Variants in MDN1 observed in about 807,000 individuals in gnomAD.
The protein encoded by MDN1 is midasin.
MDN1 carries 266 observed loss-of-function variants against 669.2 expected under a neutral mutation model. The ratio of observed to expected loss-of-function variants is 0.40; its 90% CI spans 0.36 to 0.44. MDN1 has a LOEUF of 0.44. MDN1 is among the 20% of genes least tolerant of loss of function. The pLI is 1.00. For synonymous variants in MDN1, 2,385 were observed against 2,457.1 expected, an observed-to-expected ratio of 0.97 and a Z score of 0.87; for missense variants, 5,940 against 6,754.0, an observed-to-expected ratio of 0.88 and a Z score of 4.22.
Position 89,794,663 on chromosome 6 carries a change from C to T in MDN1, c.468G>A (p.Leu156=). 1 of 1,614,148 alleles carries T rather than the reference C, an allele frequency of 6.2e-7. No individual in the cohort carries two copies. Among genetic ancestry groups the T allele is most frequent in the Non-Finnish European group, 8.5e-7 (1 of 1,180,036 alleles). ...RDLMEAAFKF[L]QQEQSVFREL... is the part of the protein sequence containing the mutation. Reference sequence around the variant, plus strand: ...CCCGGAACACAGACTGCTCCTGCTGCAGAAACTTGAAGGCTGCTTCCATTA... The same window carrying T: ...CCCGGAACACAGACTGCTCCTGCTGTAGAAACTTGAAGGCTGCTTCCATTA... Residue 156 remains leucine (L), a synonymous_variant, in exon 3 of 102, where the codon CTG becomes CTA. Coordinates refer to ENST00000369393, the MANE Select transcript of MDN1 (RefSeq NM_014611.3).
At chr6:89,670,836 A>C in intron 83 of MDN1, 83 bp downstream of exon 83, 6 of 1,439,822 alleles carry the variant, frequency 4.2e-6, no homozygotes. Flanking sequence ...GTCCAAAATA[A>C]AAGCCTATCA....
At chr6:89,714,781 T>C (rs992661809) in intron 45 of MDN1, 30 bp from the exon 46 acceptor site, 1 of 1,582,208 alleles carries the variant, frequency 6.3e-7, no homozygotes, top group Non-Finnish European at 8.6e-7. Flanking sequence ...AAGAAAAAAA[T>C]GATTTTAAAT....
At chr6:89,794,456 G>A (rs1819462810) in intron 3 of MDN1, 121 bp downstream of exon 3, 2 of 972,400 alleles carry the variant, frequency 2.1e-6, no homozygotes, top group Non-Finnish European at 3.1e-6. Flanking sequence ...AACCCCAAAA[G>A]CCACAAGAAC....
rs540453530 is a variant in MDN1 at position 89,743,422 on chromosome 6, C to T, written c.4318-142G>A. The T allele has an allele frequency of 1.7e-5, 23 of 1,360,416 alleles. 1 individual carries two copies. In the South Asian group the frequency reaches 2.9e-4, roughly 17 times the overall value. 84.3% of individuals were successfully genotyped at this position (1,360,416 alleles called of 1,614,324 possible). On this transcript the variant is annotated intron_variant, in intron 30 of 101. Coordinates refer to ENST00000369393, the MANE Select transcript of MDN1 (RefSeq NM_014611.3). ...AGAACAGGAGATAGAACTTGCACAC[C>T]AGAATGCTTGTGAAGGCCCTTGTAG... is the stretch of plus-strand genomic sequence containing the variant.
intron 33 of MDN1, among the ~76,000 whole-genome samples, chr6:89,734,691 A>AAGAGAGAGAGAGAGAGAG (rs1554188772): frequency 5.3e-5 from 6 of 112,994 alleles, no homozygotes; most frequent in South Asian, 2.9e-4. Flanking sequence ...AAAAAAAAAC[A>AAGAGAGAGAGAGAGAGAG]AGAGAGAGAG....
Position 89,718,522 on chromosome 6 carries a change from C to A in MDN1, c.6427G>T (p.Val2143Leu). 2 of 1,614,168 alleles carry A rather than the reference C, an allele frequency of 1.2e-6. No homozygotes were observed. The highest frequency in any genetic ancestry group is 1.7e-6 in the Non-Finnish European group (2 of 1,180,012). The change falls in exon 43 of 102, where the codon GTG becomes TTG. Residue 2143 changes from valine to leucine, a missense_variant. Val to Leu is a conservative substitution (Grantham distance 32, BLOSUM62 1). Around this residue, in one of 5 missense-constraint regions of MDN1, gnomAD observed 2,292 missense variants for 2,638.3 expected, o/e 0.87. Transcript: ENST00000369393. Reference protein sequence around the residue: ...LLISADDAEVVLRAWSHFLLT... With the variant: ...LLISADDAEVLLRAWSHFLLT... ...AGAAAATGACTCCAGGCTCGCAGCA[C>A]TACTTCTGCATCATCAGCACTGATA...
At chr6:89,725,968 C>T (rs199776819) in intron 37 of MDN1, among the ~76,000 whole-genome samples, 353 of 138,570 alleles carry the variant, frequency 2.5e-3, no homozygotes, top group East Asian at 0.014. Context: ...CACACACACA[C>T]GTATATATAC....
In MDN1 at chr6:89,730,912, AG is replaced by A; in HGVS notation, c.4953del (p.Ser1652LeufsTer14). 1.2e-6 allele frequency: 2 copies of A among 1,613,960 alleles called. No individual in the cohort carries two copies. The highest frequency in any genetic ancestry group is 1.7e-6 in the Non-Finnish European group (2 of 1,179,918). On this transcript the variant is annotated frameshift_variant, in exon 35 of 102. Transcript: ENST00000369393. LOFTEE classifies it high-confidence loss of function. Reference sequence around the variant, plus strand: ...GCCAAAAGGGCTGTACCAAACCCAGAGGAAGTTACCCCTAAAAGACAGAGGA... The same window carrying A: ...GCCAAAAGGGCTGTACCAAACCCAGAGAAGTTACCCCTAAAAGACAGAGGA... ...YIDGIGSGVT[S>X]SGFGTALLAR...
intron 65 of MDN1, 57 bp from the exon 66 acceptor site, chr6:89,688,865 T>C (rs1812196583): frequency 7.0e-7 from 1 of 1,437,380 alleles, no homozygotes; most frequent in Non-Finnish European, 9.7e-7. Context: ...TCTATCAACA[T>C]GTCAAAAAGA....
intron 31 of MDN1, among the ~76,000 whole-genome samples, chr6:89,741,818 C>T (rs955070639): frequency 2.6e-5 from 4 of 151,990 alleles, no homozygotes; most frequent in Non-Finnish European, 5.9e-5. Context: ...ACCCTAGCCT[C>T]GGCCGGGCAC....
intron 67 of MDN1, 116 bp from the exon 68 acceptor site, chr6:89,687,554 T>A (rs1812101741): frequency 1.3e-6 from 1 of 746,318 alleles, no homozygotes; most frequent in Non-Finnish European, 2.2e-6. Context: ...TTAAACAACT[T>A]GCACCAATTG....
intron 11 of MDN1, 59 bp downstream of exon 11, chr6:89,780,153 A>T (rs1818590623): frequency 1.1e-6 from 1 of 931,562 alleles, no homozygotes; most frequent in Non-Finnish European, 1.6e-6. Context: ...AGAAAATAAC[A>T]ACGGAAGTCA....
At chr6:89,774,812 C>T (rs999467602) in intron 12 of MDN1, 79 bp from the exon 13 acceptor site, 1 of 957,646 alleles carries the variant, frequency 1.0e-6, no homozygotes, top group Middle Eastern at 2.9e-4. Context: ...TTATTTTGGC[C>T]CTCAAATTAG....
chr6:89,818,839 TAGA>T (rs201836149), intron 1 of MDN1, among the ~76,000 whole-genome samples: 7,106 of 150,938 alleles, frequency 0.047, 191 homozygotes, highest in South Asian at 0.12. Flanking sequence ...TCAACTCAGA[TAGA>T]AGGAGTCAAT....
chr6:89,675,757 A>T, intron 77 of MDN1, 178 bp from the exon 78 acceptor site: 1 of 585,802 alleles, frequency 1.7e-6, no homozygotes, highest in East Asian at 2.9e-5. Context: ...GAGATTCCAT[A>T]GACAGGAACT....
At chr6:89,723,366 A>G in intron 39 of MDN1, 146 bp downstream of exon 39, 1 of 666,496 alleles carries the variant, frequency 1.5e-6, no homozygotes, top group Non-Finnish European at 2.5e-6. Flanking sequence ...TCCACTACAT[A>G]GTGTCCCTTC....
intron 15 of MDN1, among the ~76,000 whole-genome samples, chr6:89,764,534 G>A (rs1192568685): frequency 1.3e-5 from 2 of 152,176 alleles, no homozygotes; most frequent in African/African-American, 4.8e-5. Context: ...AAGCTCAGGA[G>A]GTCAAGTAGT....
intron 100 of MDN1, 72 bp from the exon 101 acceptor site, chr6:89,645,229 G>C: frequency 6.7e-7 from 1 of 1,490,802 alleles, no homozygotes; most frequent in Admixed American, 1.9e-5. Flanking sequence ...ACTACCCAAA[G>C]TAGGACAAAT....
chr6:89,760,798 C>T (rs1310519457), intron 17 of MDN1, among the ~76,000 whole-genome samples: 1 of 152,136 alleles, frequency 6.6e-6, no homozygotes, highest in Non-Finnish European at 1.5e-5. Flanking sequence ...AACAATGGAA[C>T]TCAAAGAAGC....
Sources: allele counts gnomAD v4.1 joint callset (sites outside exome capture counted in the v4.1 genomes callset), GRCh38; gene constraint gnomAD v4.1.1; regional missense constraint gnomAD v4.1.1; transcripts MANE v1.5; gene names NCBI Gene and HGNC (gene_info 2026-07-23, HGNC 2026-07-21).